Variants in FUNDC2 observed in about 807,000 individuals in gnomAD.
FUNDC2 encodes the protein FUN14 domain-containing protein 2.
Under a neutral mutation model 15.6 loss-of-function variants are expected in FUNDC2, and 4 were observed. That is an observed-to-expected ratio of 0.26 (90% CI 0.13 to 0.59). The LOEUF is 0.59. FUNDC2 is among the 20% of genes least tolerant of loss of function. The pLI, the probability that FUNDC2 is intolerant of heterozygous loss-of-function variation, is 0.90. For synonymous variants in FUNDC2, 44 were observed against 56.9 expected (o/e 0.77, Z 1.02); for missense variants, 98 against 149.7 (o/e 0.65, Z 1.80).
chrX:155,054,363 C>T, intron 4 of FUNDC2: 4 of 751,559 alleles, frequency 5.3e-6, no homozygotes, highest in Non-Finnish European at 6.3e-6. Context: ...ATCAGGCTCC[C>T]TCTAGTCTTA....
Position 155,057,027 on chromosome X carries a change from AGGTT to A in FUNDC2, c.*2358_*2361del, listed in dbSNP as rs1569560274. The A allele has an allele frequency of 5.0e-5, 5 of 99,800 alleles. No homozygotes were observed. Among genetic ancestry groups the A allele is most frequent in the Admixed American group, 2.1e-4 (2 of 9,617 alleles). 8.2% of individuals were successfully genotyped at this position (99,800 alleles called of 1,213,427 possible). On this transcript the variant is annotated 3_prime_UTR_variant, in exon 5 of 5. Transcript: ENST00000369498. The stretch of plus-strand genomic sequence containing the variant: ...GGGTCATGGTTGAGGTCAGTATTGC[AGGTT>A]GGCCTCATCCTGCTAGTATGAGAAC...
Position 155,051,821 on chromosome X carries a change from C to T in FUNDC2, c.492+20C>T, listed in dbSNP as rs371080117. 38 of 1,206,129 alleles carry T rather than the reference C, an allele frequency of 3.2e-5. No homozygotes were observed. The highest frequency in any genetic ancestry group is 2.2e-4 in the Admixed American group (10 of 45,801). The stretch of plus-strand genomic sequence containing the variant: ...GAGGAGGTGAGACTTGCATTGTTCA[C>T]GTGTAGTGTGTGAACAGTGCAGACA... On this transcript the variant is annotated intron_variant, in intron 4 of 4. Transcript: ENST00000369498.
Position 155,059,205 on chromosome X carries a change from A to G in FUNDC2, c.*4533A>G, listed in dbSNP as rs1261885353. 1 of 112,535 alleles carries G rather than the reference A, an allele frequency of 8.9e-6. No homozygotes were observed. The highest frequency in any genetic ancestry group is 1.9e-5 in the Non-Finnish European group (1 of 53,311). 9.3% of individuals were successfully genotyped at this position (112,535 alleles called of 1,213,427 possible). On this transcript the variant is annotated 3_prime_UTR_variant, in exon 5 of 5. Coordinates refer to ENST00000369498, the MANE Select transcript of FUNDC2 (RefSeq NM_023934.4). Reference sequence around the variant, plus strand: ...CCTTAAGAGGGCTTTAAAGCCTTTTATATTAAGTGCCATACAACTTCAGAT... The same window carrying G: ...CCTTAAGAGGGCTTTAAAGCCTTTTGTATTAAGTGCCATACAACTTCAGAT...
At chrX:155,054,234 T>C in intron 4 of FUNDC2, 9 of 753,347 alleles carry the variant, frequency 1.2e-5, no homozygotes, top group Non-Finnish European at 1.4e-5. Flanking sequence ...ATTGCCTCTG[T>C]AACCAGTTTA....
rs2073793256 is a variant in FUNDC2 at position 155,026,874 on chromosome X, C to T, written c.-65C>T. The T allele has an allele frequency of 5.2e-6, 6 of 1,154,488 alleles. No individual in the cohort carries two copies. Among genetic ancestry groups the T allele is most frequent in the Non-Finnish European group, 6.9e-6 (6 of 868,272 alleles). On this transcript the variant is annotated 5_prime_UTR_variant, in exon 1 of 5. Coordinates refer to ENST00000369498, the MANE Select transcript of FUNDC2 (RefSeq NM_023934.4). ...CGCACGCTGAGCTCTGTGATGTAGC[C>T]GCTTGCGGAGACTGCAAGCAGCCGC...
At chrX:155,030,382 A>AAG (rs1411035903) in intron 1 of FUNDC2, among the ~76,000 whole-genome samples, 1 of 106,852 alleles carries the variant, frequency 9.4e-6, no homozygotes, top group East Asian at 2.9e-4. Flanking sequence ...AAAAAAAAAA[A>AAG]AAAAAAAAAA....
chrX:155,034,861 C>G (rs1286841762), intron 2 of FUNDC2, among the ~76,000 whole-genome samples: 1 of 111,219 alleles, frequency 9.0e-6, no homozygotes, highest in African/African-American at 3.3e-5. Context: ...CCATTTGGAT[C>G]TCCTCTTTCA....
intron 3 of FUNDC2, chrX:155,049,059 T>C (rs926585504): frequency 2.7e-5 from 3 of 113,191 alleles, no homozygotes; most frequent in Admixed American, 9.3e-5. Context: ...ATGTAGTTGC[T>C]TTTTCTTACC....
Position 155,026,897 on chromosome X carries a change from C to A in FUNDC2, c.-42C>A. Reference sequence around the variant, plus strand: ...GCCGCTTGCGGAGACTGCAAGCAGCCGCGGCGCGCCCGGCCCTCCCTCTTC... The same window carrying A: ...GCCGCTTGCGGAGACTGCAAGCAGCAGCGGCGCGCCCGGCCCTCCCTCTTC... On this transcript the variant is annotated 5_prime_UTR_variant, in exon 1 of 5. Transcript: ENST00000369498. The A allele has an allele frequency of 8.6e-7, 1 of 1,164,407 alleles. No homozygotes were observed. The highest frequency in any genetic ancestry group is 1.1e-6 in the Non-Finnish European group (1 of 873,942).
At chrX:155,028,119 G>GCAGACTGCTCTTATAGACT (rs1569560146) in intron 1 of FUNDC2, among the ~76,000 whole-genome samples, 1 of 66,508 alleles carries the variant, frequency 1.5e-5, no homozygotes, top group African/African-American at 6.8e-5. Flanking sequence ...GCTCTTATAG[G>GCAGACTGCTCTTATAGACT]TTGATCAGGT....
At chrX:155,053,012 G>T (rs1354226789) in intron 4 of FUNDC2, among the ~76,000 whole-genome samples, 1 of 111,101 alleles carries the variant, frequency 9.0e-6, no homozygotes, top group Non-Finnish European at 1.9e-5. Flanking sequence ...GGGTCTATAG[G>T]TGTGTACCAC....
At chrX:155,049,045 A>G (rs1199422536) in intron 3 of FUNDC2, 4 of 112,861 alleles carry the variant, frequency 3.5e-5, no homozygotes, top group African/African-American at 1.3e-4. Flanking sequence ...TCACGTCTTT[A>G]TGAATGTAGT....
rs1320865996 is a variant in FUNDC2, at chrX:155,056,538, C to A, written c.*1866C>A. The A allele has an allele frequency of 2.0e-5, 2 of 100,756 alleles. No homozygotes were observed. Among genetic ancestry groups the A allele is most frequent in the African/African-American group, 3.7e-5 (1 of 26,774 alleles). 8.3% of individuals were successfully genotyped at this position (100,756 alleles called of 1,213,427 possible). A position where few individuals can be genotyped will look rare whatever the true frequency, so the allele number is the denominator to read the frequency against. On this transcript the variant is annotated 3_prime_UTR_variant, in exon 5 of 5. Coordinates refer to ENST00000369498, the MANE Select transcript of FUNDC2 (RefSeq NM_023934.4). Reference sequence around the variant, plus strand: ...ATCCTCCTCTATTTTTTTTTTTTTGCTTGCTATATATTTATATCTCTATAT... The same window carrying A: ...ATCCTCCTCTATTTTTTTTTTTTTGATTGCTATATATTTATATCTCTATAT...
intron 2 of FUNDC2, among the ~76,000 whole-genome samples, chrX:155,035,639 T>C (rs1175812900): frequency 8.9e-6 from 1 of 112,072 alleles, no homozygotes; most frequent in Non-Finnish European, 1.9e-5. Flanking sequence ...TGGAATTACA[T>C]AGTATATATT....
At chrX:155,032,640 G>C (rs1374988271) in intron 1 of FUNDC2, among the ~76,000 whole-genome samples, 1 of 111,040 alleles carries the variant, frequency 9.0e-6, no homozygotes, top group African/African-American at 3.3e-5. Context: ...GGATTAATTA[G>C]ATGTACATGA....
intron 1 of FUNDC2, among the ~76,000 whole-genome samples, chrX:155,029,753 C>CA (rs59625612): frequency 4.5e-4 from 30 of 66,324 alleles, no homozygotes; most frequent in Non-Finnish European, 7.5e-4. Context: ...AACTCTATCT[C>CA]AAAAAAAAAA....
At chrX:155,040,828 A>G (rs1389982298) in intron 2 of FUNDC2, among the ~76,000 whole-genome samples, 2 of 111,497 alleles carry the variant, frequency 1.8e-5, no homozygotes, top group African/African-American at 3.3e-5. Context: ...ATAAATGTCA[A>G]CTCAAGTCCT....
chrX:155,048,431 C>G (rs987969139), intron 3 of FUNDC2, among the ~76,000 whole-genome samples: 18 of 112,426 alleles, frequency 1.6e-4, no homozygotes, highest in African/African-American at 5.5e-4. Flanking sequence ...GCAGCATTGT[C>G]TCTTTCATAT....
chrX:155,030,004 C>T (rs1408440399), intron 1 of FUNDC2, among the ~76,000 whole-genome samples: 3 of 110,734 alleles, frequency 2.7e-5, no homozygotes, highest in African/African-American at 9.9e-5. Flanking sequence ...ATAATTTTTG[C>T]AATTAAAATT....
Sources: allele counts gnomAD v4.1 joint callset (sites outside exome capture counted in the v4.1 genomes callset), GRCh38; gene constraint gnomAD v4.1.1; transcripts MANE v1.5; gene names NCBI Gene and HGNC (gene_info 2026-07-23, HGNC 2026-07-21).